The following C10orf90 variants were observed in gnomAD, a reference collection of about 807,000 sequenced individuals.
The protein encoded by C10orf90 is (E2-independent) E3 ubiquitin-conjugating enzyme FATS.
C10orf90 carries 56 observed loss-of-function variants against 62.5 expected under a neutral mutation model. The observed-to-expected ratio is 0.90, with a 90% CI of 0.72 to 1.12. The LOEUF is 1.12. Among genes scored for constraint, C10orf90 ranks in the 50% most tolerant of loss-of-function variants. The pLI is 0.00. For synonymous variants in C10orf90, 386 were observed against 340.4 expected (o/e 1.13, Z -1.47); for missense variants, 970 against 880.4 (o/e 1.10, Z -1.29).
chr10:126,487,160 A>G (rs1328639496), intron 4 of C10orf90, among the ~76,000 whole-genome samples: 5 of 150,054 alleles, frequency 3.3e-5, no homozygotes, highest in Admixed American at 6.6e-5. Flanking sequence ...AAAAAAAAAA[A>G]AAAAAAAAGA....
At chr10:126,514,650 C>G (rs1407707601) in intron 2 of C10orf90, among the ~76,000 whole-genome samples, 1 of 152,168 alleles carries the variant, frequency 6.6e-6, no homozygotes, top group Non-Finnish European at 1.5e-5. Flanking sequence ...CCACACCTGC[C>G]CTGAGTACCT....
In C10orf90 at chr10:126,425,628, G is replaced by C. The variant is rs1039687494; in HGVS notation, c.*236C>G. On this transcript the variant is annotated 3_prime_UTR_variant, in exon 10 of 10. Transcript: ENST00000488181. ...AAACATTAAGGGGACTGTATCCAGTGGGTTACATGGAGGTGGTTTCCCCAC... is the reference window on the plus strand; with the variant it reads ...AAACATTAAGGGGACTGTATCCAGTCGGTTACATGGAGGTGGTTTCCCCAC... The C allele has an allele frequency of 1.8e-6, 1 of 566,548 alleles. No homozygotes were observed. The highest frequency in any genetic ancestry group is 2.9e-5 in the East Asian group (1 of 34,572). The allele number at this position is 566,548 out of a possible 1,614,324, so 35.1% of individuals were successfully genotyped here.
At chr10:126,642,501 C>T (rs374799918) in intron 2 of C10orf90, among the ~76,000 whole-genome samples, 1 of 152,066 alleles carries the variant, frequency 6.6e-6, no homozygotes, top group African/African-American at 2.4e-5. Context: ...CACTGCACTC[C>T]AGCCTGGGCG....
intron 4 of C10orf90, among the ~76,000 whole-genome samples, chr10:126,493,075 C>T (rs992686553): frequency 2.6e-5 from 4 of 151,084 alleles, no homozygotes; most frequent in Non-Finnish European, 4.4e-5. Flanking sequence ...GAAGTTCGTT[C>T]GACAGGTACT....
At chr10:126,426,167 C>A (rs529187450) in intron 8 of C10orf90, 77 bp from the exon 9 acceptor site, 7 of 1,159,084 alleles carry the variant, frequency 6.0e-6, no homozygotes, top group Non-Finnish European at 6.4e-6. Context: ...CCTGTCTTGA[C>A]GGCAGGCTCT....
chr10:126,613,476 C>A (rs1178974623), intron 2 of C10orf90, among the ~76,000 whole-genome samples: 1 of 152,130 alleles, frequency 6.6e-6, no homozygotes, highest in Non-Finnish European at 1.5e-5. Context: ...AAACTCCTGG[C>A]CTCAAGCAAT....
At chr10:126,638,236 C>T (rs983841573) in intron 2 of C10orf90, among the ~76,000 whole-genome samples, 9 of 152,064 alleles carry the variant, frequency 5.9e-5, no homozygotes, top group Admixed American at 1.3e-4. Context: ...TTCCTCTGCC[C>T]GATCCTGGGA....
chr10:126,494,882 C>T (rs1050663331), intron 4 of C10orf90, among the ~76,000 whole-genome samples: 1 of 152,222 alleles, frequency 6.6e-6, no homozygotes, highest in African/African-American at 2.4e-5. Context: ...AAGAGGACAC[C>T]TGTCCTGTGC....
At chr10:126,602,676 G>T (rs1173074583) in intron 2 of C10orf90, among the ~76,000 whole-genome samples, 1 of 151,796 alleles carries the variant, frequency 6.6e-6, no homozygotes, top group Non-Finnish European at 1.5e-5. Flanking sequence ...TGCTCTGATA[G>T]TAGAGGCAAT....
rs1048183496 is a variant in C10orf90, at chr10:126,667,705, G to T, written c.240+2536C>A. On this transcript the variant is annotated intron_variant, in intron 1 of 9. Coordinates refer to ENST00000488181, the MANE Select transcript of C10orf90 (RefSeq NM_001350921.2). ...CCACGCAAGCTCTGCTGCATAGAGA[G>T]TCTCAGAAAGTGTCCCTGCTTGCCA... Among the ~76,000 whole-genome samples the T allele has an allele frequency of 2.6e-5, 4 of 152,290 alleles. No homozygotes were observed. In the East Asian group the frequency reaches 5.8e-4, roughly 22 times the overall value.
chr10:126,595,854 G>C (rs1247241256), intron 2 of C10orf90, among the ~76,000 whole-genome samples: 1 of 152,064 alleles, frequency 6.6e-6, no homozygotes, highest in African/African-American at 2.4e-5. Context: ...ATCCCAGCCA[G>C]GTACCTCTTC....
intron 2 of C10orf90, among the ~76,000 whole-genome samples, chr10:126,597,318 A>G (rs1028763377): frequency 2.6e-5 from 4 of 152,246 alleles, no homozygotes; most frequent in Non-Finnish European, 4.4e-5. Flanking sequence ...GTACTCAGCA[A>G]TAGAAAGGAA....
At chr10:126,461,687 G>T in intron 5 of C10orf90, 102 bp from the exon 6 acceptor site, 3 of 1,170,568 alleles carry the variant, frequency 2.6e-6, no homozygotes, top group South Asian at 1.4e-5. Flanking sequence ...AAATAGAAAC[G>T]CCAGTGGACT....
chr10:126,620,466 A>G (rs1447916912), intron 2 of C10orf90, among the ~76,000 whole-genome samples: 2 of 152,236 alleles, frequency 1.3e-5, no homozygotes, highest in African/African-American at 4.8e-5. Context: ...TTAAAATATT[A>G]AAATTCACGT....
intron 2 of C10orf90, among the ~76,000 whole-genome samples, chr10:126,556,298 C>A (rs150956982): frequency 6.6e-6 from 1 of 152,132 alleles, no homozygotes. Flanking sequence ...ATGCAAGAAG[C>A]GAGATGGGAG....
At chr10:126,645,028 G>T (rs889810648) in intron 2 of C10orf90, among the ~76,000 whole-genome samples, 3 of 151,378 alleles carry the variant, frequency 2.0e-5, no homozygotes, top group Non-Finnish European at 4.4e-5. Flanking sequence ...ACCAAACACC[G>T]CATATTCTCA....
At chr10:126,485,715 C>G (rs543759474) in intron 4 of C10orf90, among the ~76,000 whole-genome samples, 12 of 151,390 alleles carry the variant, frequency 7.9e-5, no homozygotes, top group Middle Eastern at 3.4e-3. Flanking sequence ...CCGAGGTGGG[C>G]GGATCATGAG....
At position 126,571,122 on chromosome 10, in the gene C10orf90, T is replaced by C. The variant is rs142766389; in HGVS notation, c.314-57183A>G. On this transcript the variant is annotated intron_variant, in intron 2 of 9. Transcript: ENST00000488181. ...CCAGTTCCTTTTAAAGAAGCTGCAATTGGAAACGTAAACGCAGTGAGAAGA... is the reference window on the plus strand; with the variant it reads ...CCAGTTCCTTTTAAAGAAGCTGCAACTGGAAACGTAAACGCAGTGAGAAGA... Among the ~76,000 whole-genome samples the C allele has an allele frequency of 1.7e-3, 257 of 152,288 alleles. 2 individuals carry two copies. Among genetic ancestry groups the C allele is most frequent in the African/African-American group, 6.0e-3 (248 of 41,578 alleles).
At chr10:126,426,146 T>TCAA in intron 8 of C10orf90, 56 bp from the exon 9 acceptor site, 5 of 1,386,776 alleles carry the variant, frequency 3.6e-6, no homozygotes, top group Non-Finnish European at 5.1e-6. Flanking sequence ...GCTCCCGCTG[T>TCAA]GGGGCTGCAT....
Sources: allele counts gnomAD v4.1 joint callset (sites outside exome capture counted in the v4.1 genomes callset), GRCh38; gene constraint gnomAD v4.1.1; transcripts MANE v1.5; gene names NCBI Gene and HGNC (gene_info 2026-07-23, HGNC 2026-07-21).